The following SYNE3 variants were observed in gnomAD, a reference collection of about 807,000 sequenced individuals.
SYNE3 encodes the protein spectrin repeat containing nuclear envelope family member 3.
In SYNE3, 100 loss-of-function variants were observed where a neutral mutation model predicts 111.2. The ratio of observed to expected loss-of-function variants is 0.90; its 90% CI spans 0.77 to 1.06. SYNE3 has a LOEUF of 1.06. Ranked by LOEUF, SYNE3 falls within the 50% of genes least tolerant of loss-of-function variation. SYNE3 has a pLI of 0.00. For synonymous variants in SYNE3, 547 were observed against 533.9 expected (o/e 1.02, Z -0.34); for missense variants, 1,160 against 1,240.3 (o/e 0.94, Z 0.97).
intron 15 of SYNE3, among the ~76,000 whole-genome samples, chr14:95,434,185 A>T (rs1885955459): frequency 1.3e-5 from 2 of 152,014 alleles, no homozygotes; most frequent in African/African-American, 4.8e-5. Flanking sequence ...CCTCCCACTA[A>T]GGACAAAATA....
rs747528522 is a variant in SYNE3, at chr14:95,457,205, G to C, written c.761C>G (p.Pro254Arg). 1.9e-6 allele frequency: 3 copies of C among 1,613,874 alleles called. No individual in the cohort carries two copies. Among genetic ancestry groups the C allele is most frequent in the African/African-American group, 2.7e-5 (2 of 74,880 alleles). ...CAGTGTGGAGAGGCGCTGCGTGATG[G>C]GCAGCTTGCAGTTCCGCCCCAGGCA... ...NGCLGRNCKL[P>R]ITQRLSTLQD... The change falls in exon 5 of 18, where the codon CCC becomes CGC. Residue 254 changes from proline (P) to arginine (R), a missense_variant. Pro to Arg is a moderately radical substitution (Grantham distance 103). Transcript: ENST00000682763.
intron 1 of SYNE3, among the ~76,000 whole-genome samples, chr14:95,484,229 G>A (rs1429784853): frequency 6.6e-6 from 1 of 152,202 alleles, no homozygotes; most frequent in Non-Finnish European, 1.5e-5. Context: ...AGGGGGCAGA[G>A]TGTATGCAAG....
intron 4 of SYNE3, among the ~76,000 whole-genome samples, chr14:95,460,378 T>G (rs986959874): frequency 6.1e-5 from 9 of 148,300 alleles, no homozygotes; most frequent in South Asian, 2.2e-4. Context: ...TTTTTTTTTT[T>G]TTTTTTTTTT....
Position 95,415,166 on chromosome 14 carries a change from G to GT in SYNE3, c.*2659dup, listed in dbSNP as rs1903540120. 6.6e-6 allele frequency: 1 copy of GT among 152,212 alleles called. No homozygotes were observed. The highest frequency in any genetic ancestry group is 1.5e-5 in the Non-Finnish European group (1 of 68,072). 9.4% of individuals were successfully genotyped at this position (152,212 alleles called of 1,614,324 possible). A position where few individuals can be genotyped will look rare whatever the true frequency, so the allele number is the denominator to read the frequency against. On this transcript the variant is annotated 3_prime_UTR_variant, in exon 18 of 18. Coordinates refer to ENST00000682763, the MANE Select transcript of SYNE3 (RefSeq NM_152592.6). Reference sequence around the variant, plus strand: ...TACCACCTGAGGGCCATGGTGGCCAGTTGGGCTCTGGCCTTGCTGCCTCTC... The same window carrying GT: ...TACCACCTGAGGGCCATGGTGGCCAGTTTGGGCTCTGGCCTTGCTGCCTCTC...
Position 95,444,576 on chromosome 14 carries a change from C to T in SYNE3, c.1685G>A (p.Arg562Lys), listed in dbSNP as rs1886597734. The change falls in exon 10 of 18, where the codon AGG becomes AAG. Residue 562 changes from arginine (R) to lysine (K), a missense_variant. Arg to Lys is a conservative substitution (Grantham distance 26, BLOSUM62 2). Coordinates refer to ENST00000682763, the MANE Select transcript of SYNE3 (RefSeq NM_152592.6). ...CCTGACCTGGAGGTCCAAGAGCTTC[C>T]TCTGCAGGGGCTCAAAAGCTGCTCC... ...DFGAAFEPLQ[R>K]KLLDLQVRVQ... The T allele has an allele frequency of 6.2e-7, 1 of 1,613,358 alleles. No individual in the cohort carries two copies. Among genetic ancestry groups the T allele is most frequent in the East Asian group, 2.2e-5 (1 of 44,876 alleles).
At chr14:95,494,205 G>C (rs1889979898) in intron 1 of SYNE3, among the ~76,000 whole-genome samples, 1 of 152,182 alleles carries the variant, frequency 6.6e-6, no homozygotes, top group Non-Finnish European at 1.5e-5. Flanking sequence ...TGCCACTAGG[G>C]CCTATAGGTT....
At chr14:95,418,117 G>A (rs1256245586) in intron 17 of SYNE3, 91 bp from the exon 18 acceptor site, 2 of 1,346,112 alleles carry the variant, frequency 1.5e-6, no homozygotes, top group Admixed American at 1.7e-5. Context: ...CAGGAGCGGT[G>A]GTAGCACTGA....
intron 8 of SYNE3, among the ~76,000 whole-genome samples, chr14:95,448,796 G>A (rs1350108497): frequency 1.3e-5 from 2 of 152,250 alleles, no homozygotes; most frequent in Non-Finnish European, 2.9e-5. Flanking sequence ...GCCAAGTAGT[G>A]TACCCAAGGG....
intron 1 of SYNE3, 65 bp from the exon 2 acceptor site, chr14:95,475,900 G>T: frequency 7.4e-7 from 1 of 1,353,160 alleles, no homozygotes; most frequent in Non-Finnish European, 9.6e-7. Flanking sequence ...AAGACCCCCG[G>T]CAGGACACCT....
intron 17 of SYNE3, among the ~76,000 whole-genome samples, chr14:95,428,666 T>C (rs764288106): frequency 1.3e-5 from 2 of 152,194 alleles, no homozygotes; most frequent in Non-Finnish European, 2.9e-5. Context: ...CCTGGGCCAA[T>C]GCAAGGAATG....
At chr14:95,422,460 C>T (rs1287043789) in intron 17 of SYNE3, among the ~76,000 whole-genome samples, 3 of 152,198 alleles carry the variant, frequency 2.0e-5, no homozygotes, top group African/African-American at 4.8e-5. Flanking sequence ...AGCCCAGGCT[C>T]TTCCTACTAT....
intron 5 of SYNE3, among the ~76,000 whole-genome samples, chr14:95,456,844 G>A (rs1370352638): frequency 6.6e-6 from 1 of 152,108 alleles, no homozygotes; most frequent in South Asian, 2.1e-4. Flanking sequence ...CAGCACTTTG[G>A]GAGCCCGAGG....
chr14:95,478,388 G>T (rs1476587854), intron 1 of SYNE3, among the ~76,000 whole-genome samples: 1 of 152,190 alleles, frequency 6.6e-6, no homozygotes, highest in Non-Finnish European at 1.5e-5. Flanking sequence ...GACCTCTGAG[G>T]TTGTGGGTTG....
intron 17 of SYNE3, among the ~76,000 whole-genome samples, chr14:95,424,493 C>T (rs1885328186): frequency 6.6e-6 from 1 of 152,210 alleles, no homozygotes; most frequent in Admixed American, 6.5e-5. Context: ...CCAGCCCCTA[C>T]AGGTCACTTA....
chr14:95,510,284 G>A (rs141933140), intron 1 of SYNE3, among the ~76,000 whole-genome samples: 94 of 152,296 alleles, frequency 6.2e-4, no homozygotes, highest in Non-Finnish European at 1.2e-3. Context: ...TCACAGAGCA[G>A]AGGGTAGAGA....
At chr14:95,434,975 C>G (rs1471699998) in intron 15 of SYNE3, among the ~76,000 whole-genome samples, 1 of 152,216 alleles carries the variant, frequency 6.6e-6, no homozygotes, top group African/African-American at 2.4e-5. Context: ...TTAAATCCCT[C>G]TTATACATAT....
intron 2 of SYNE3, among the ~76,000 whole-genome samples, chr14:95,473,572 G>A (rs961226659): frequency 7.2e-5 from 11 of 152,200 alleles, no homozygotes; most frequent in Admixed American, 1.3e-4. Flanking sequence ...AAGGCTTGGC[G>A]GTGGAAGGTC....
In SYNE3 at chr14:95,437,098, G is replaced by T. The variant is rs75942423; in HGVS notation, c.2377-117C>A. The T allele has an allele frequency of 6.4e-5, 77 of 1,204,590 alleles. No individual in the cohort carries two copies. The Admixed American group carries it at 7.0e-4, about 11-fold the overall frequency. 74.6% of individuals were successfully genotyped at this position (1,204,590 alleles called of 1,614,324 possible). On this transcript the variant is annotated intron_variant, in intron 14 of 17. Coordinates refer to ENST00000682763, the MANE Select transcript of SYNE3 (RefSeq NM_152592.6). ...ACCAGGACAAGATGCCCAAAATGGCGACGGGAGAGGCCTGGGGGATGAACA... is the reference window on the plus strand; with the variant it reads ...ACCAGGACAAGATGCCCAAAATGGCTACGGGAGAGGCCTGGGGGATGAACA...
In SYNE3 at chr14:95,409,059, C is replaced by T; in HGVS notation, c.*8767G>A. The stretch of plus-strand genomic sequence containing the variant: ...ATGCTGCCCCTGCTTTGGAATGTTG[C>T]CCTCCAGCTAACTCACCAGCTGCCA... On this transcript the variant is annotated 3_prime_UTR_variant, in exon 18 of 18. Coordinates refer to ENST00000682763, the MANE Select transcript of SYNE3 (RefSeq NM_152592.6). The T allele has an allele frequency of 4.6e-6, 2 of 432,146 alleles. No individual in the cohort carries two copies. Among genetic ancestry groups the T allele is most frequent in the East Asian group, 7.1e-5 (1 of 14,066 alleles). 26.8% of individuals were successfully genotyped at this position (432,146 alleles called of 1,614,324 possible).
Sources: allele counts gnomAD v4.1 joint callset (sites outside exome capture counted in the v4.1 genomes callset), GRCh38; gene constraint gnomAD v4.1.1; transcripts MANE v1.5; gene names NCBI Gene and HGNC (gene_info 2026-07-23, HGNC 2026-07-21).